TFRC: variants seen among roughly 807,000 people sequenced by gnomAD.
TFRC encodes the protein transferrin receptor protein 1.
Under a neutral mutation model 85.8 loss-of-function variants are expected in TFRC, and 35 were observed. The observed-to-expected ratio is 0.41, with a 90% CI of 0.31 to 0.54. The LOEUF is 0.54. Ranked by LOEUF, TFRC falls within the 20% of genes least tolerant of loss-of-function variation. The probability of loss-of-function intolerance (pLI) is 0.31; values close to 1 mark genes in which losing one functional copy is unlikely to be tolerated. For missense variants in TFRC, 828 were observed against 921.5 expected (o/e 0.90, Z 1.31); for synonymous variants, 362 against 328.6 (o/e 1.10, Z -1.10).
intron 1 of TFRC, among the ~76,000 whole-genome samples, chr3:196,080,539 G>GAGGGTC (rs1719082083): frequency 6.6e-6 from 1 of 152,210 alleles, no homozygotes; most frequent in South Asian, 2.1e-4. Flanking sequence ...GCGCCCAGCC[G>GAGGGTC]AGGGTCATTT....
In TFRC at chr3:196,072,161, G is replaced by C; in HGVS notation, c.435-9C>G. On this transcript the variant is annotated splice_polypyrimidine_tract_variant and intron_variant, in intron 4 of 18. Transcript: ENST00000360110. The stretch of plus-strand genomic sequence containing the variant: ...AATTTTCATTCAGCAGCCTGGAGGA[G>C]AAAATGCCTTTTAAATGAACTTAAG... The C allele has an allele frequency of 6.2e-7, 1 of 1,610,294 alleles. No homozygotes were observed.
chr3:196,060,349 G>C (rs1161522026), intron 13 of TFRC, 102 bp from the exon 14 acceptor site: 2 of 978,034 alleles, frequency 2.0e-6, no homozygotes, highest in African/African-American at 1.6e-5. Flanking sequence ...CAGTAATCTA[G>C]ATCAGTGGCC....
chr3:196,075,127 A>T (rs753505213), intron 3 of TFRC, 32 bp downstream of exon 3: 1 of 1,606,562 alleles, frequency 6.2e-7, no homozygotes, highest in East Asian at 2.2e-5. Flanking sequence ...TTGGTTATAG[A>T]AAACATTGAA....
chr3:196,059,595 CTTT>C (rs140600203), intron 14 of TFRC, among the ~76,000 whole-genome samples: 1,624 of 151,858 alleles, frequency 0.011, 16 homozygotes, highest in African/African-American at 0.021. Flanking sequence ...CAAATATTTT[CTTT>C]TTTATTTATT....
chr3:196,078,063 G>A (rs1399380727), intron 1 of TFRC, among the ~76,000 whole-genome samples: 2 of 152,120 alleles, frequency 1.3e-5, no homozygotes, highest in East Asian at 3.8e-4. Flanking sequence ...TATCATCTCT[G>A]GAAATTTAAG....
intron 6 of TFRC, 106 bp downstream of exon 6, chr3:196,071,290 G>T: frequency 9.2e-7 from 1 of 1,084,908 alleles, no homozygotes; most frequent in Middle Eastern, 2.0e-4. Flanking sequence ...AATATCTCAT[G>T]ATCATTTACA....
chr3:196,062,471 T>A, intron 13 of TFRC, 111 bp downstream of exon 13: 2 of 906,846 alleles, frequency 2.2e-6, no homozygotes, highest in South Asian at 2.9e-5. Flanking sequence ...AGACAGAGGT[T>A]GCAGTGAGCC....
Position 196,060,218 on chromosome 3 carries a change from G to C in TFRC, c.1498C>G (p.Pro500Ala). The C allele has an allele frequency of 4.3e-6, 7 of 1,613,918 alleles. No individual in the cohort carries two copies. The highest frequency in any genetic ancestry group is 5.9e-6 in the Non-Finnish European group (7 of 1,179,924). ...TTCTCAATAAGCGTATACAACAGTG[G>C]GCTGGCAGAAACCTTGAAGTTGCTG... ...GTSNFKVSAS[P>A]LLYTLIEKTM... The change falls in exon 14 of 19, where the codon CCA becomes GCA. Residue 500 changes from proline (P) to alanine (A), a missense_variant. Transcript: ENST00000360110.
chr3:196,060,832 C>T (rs1461839217), intron 13 of TFRC, among the ~76,000 whole-genome samples: 2 of 135,460 alleles, frequency 1.5e-5, no homozygotes, highest in Admixed American at 7.5e-5. Flanking sequence ...AAAAATCAGA[C>T]CAGTTTTAGG....
In TFRC at chr3:196,050,864, G is replaced by A. The variant is rs1217697779; in HGVS notation, c.*1078C>T. Reference sequence around the variant, plus strand: ...CTTTATTCAATTACATTTGGCTGACGGCTGTTTTCTAAAACCCTTAAGTGT... The same window carrying A: ...CTTTATTCAATTACATTTGGCTGACAGCTGTTTTCTAAAACCCTTAAGTGT... On this transcript the variant is annotated 3_prime_UTR_variant, in exon 19 of 19. Coordinates refer to ENST00000360110, the MANE Select transcript of TFRC (RefSeq NM_001128148.3). 3 of 202,516 alleles carry A rather than the reference G, an allele frequency of 1.5e-5. No individual in the cohort carries two copies. Among genetic ancestry groups the A allele is most frequent in the Non-Finnish European group, 3.0e-5 (3 of 98,522 alleles). 12.5% of individuals were successfully genotyped at this position (202,516 alleles called of 1,614,324 possible). A position where few individuals can be genotyped will look rare whatever the true frequency, so the allele number is the denominator to read the frequency against.
intron 13 of TFRC, among the ~76,000 whole-genome samples, chr3:196,061,231 A>G (rs1050409834): frequency 6.6e-6 from 1 of 152,156 alleles, no homozygotes; most frequent in Non-Finnish European, 1.5e-5. Flanking sequence ...TTCATTATCC[A>G]ATATTTCTAT....
At chr3:196,064,537 TAA>T in intron 10 of TFRC, 109 bp from the exon 11 acceptor site, 1 of 962,330 alleles carries the variant, frequency 1.0e-6, no homozygotes, top group South Asian at 3.2e-5. Context: ...GTATTAAGGA[TAA>T]AAGAGCCTTA....
At chr3:196,071,362 G>A in intron 6 of TFRC, 34 bp downstream of exon 6, 1 of 1,530,944 alleles carries the variant, frequency 6.5e-7, no homozygotes, top group East Asian at 2.3e-5. Flanking sequence ...GATTCAATAG[G>A]GAAGAGTCTC....
intron 10 of TFRC, among the ~76,000 whole-genome samples, chr3:196,064,644 A>T (rs1300021744): frequency 1.3e-5 from 2 of 152,204 alleles, no homozygotes; most frequent in Non-Finnish European, 2.9e-5. Context: ...TACACTACTA[A>T]TTAAATTTAC....
intron 10 of TFRC, 40 bp downstream of exon 10, chr3:196,065,403 A>C: frequency 1.0e-6 from 1 of 995,448 alleles, no homozygotes; most frequent in East Asian, 4.3e-5. Context: ...AAAGAAAACA[A>C]AAAAAAAGCG....
chr3:196,057,195 C>T (rs189788209), intron 16 of TFRC, among the ~76,000 whole-genome samples: 16 of 152,286 alleles, frequency 1.1e-4, no homozygotes, highest in Non-Finnish European at 1.9e-4. Flanking sequence ...CCAGCGCTGC[C>T]GCACCCTGGT....
chr3:196,075,566 A>ATT (rs879865391), intron 2 of TFRC, among the ~76,000 whole-genome samples: 4 of 144,104 alleles, frequency 2.8e-5, no homozygotes, highest in East Asian at 2.0e-4. Context: ...CTTTTTGTAA[A>ATT]TTTTTTTTTT....
rs200005741 is a variant in TFRC at position 196,062,935 on chromosome 3, C to T, written c.1323G>A (p.Gly441=). The part of the protein sequence containing the change: ...QMFSDMVLKD[G]FQPSRSIIFA... Reference sequence around the variant, plus strand: ...AGATAATGCTTCTGCTGGGCTGAAACCCATCTGAAAGAGAAAAAAGTTAGC... The same window carrying T: ...AGATAATGCTTCTGCTGGGCTGAAATCCATCTGAAAGAGAAAAAAGTTAGC... The change falls in exon 12 of 19, where the codon GGG becomes GGA. Residue 441 remains glycine (G), a synonymous_variant. Coordinates refer to ENST00000360110, the MANE Select transcript of TFRC (RefSeq NM_001128148.3). 319 of 1,613,982 alleles carry T rather than the reference C, an allele frequency of 2.0e-4. 3 individuals are homozygous for T. The South Asian group carries it at 3.3e-3, about 17-fold the overall frequency.
chr3:196,052,684 G>A (rs571387285), intron 18 of TFRC, among the ~76,000 whole-genome samples: 1 of 151,922 alleles, frequency 6.6e-6, no homozygotes, highest in Admixed American at 6.6e-5. Flanking sequence ...CAGGTGATCC[G>A]CTTGCCTCGG....
Sources: gnomAD v4.1 joint callset for allele counts (sites outside exome capture counted in the v4.1 genomes callset) on GRCh38, gnomAD v4.1.1 for gene constraint, MANE v1.5 for transcripts, NCBI Gene and HGNC (gene_info 2026-07-23, HGNC 2026-07-21) for gene names.